RBFOX1: variants seen among roughly 807,000 people sequenced by gnomAD.
The protein encoded by RBFOX1 is RNA binding protein fox-1 homolog 1.
RBFOX1 carries 8 observed loss-of-function variants against 57.7 expected under a neutral mutation model. The observed-to-expected ratio is 0.14, with a 90% CI of 0.08 to 0.25. RBFOX1 has a LOEUF of 0.25. RBFOX1 is among the 10% of genes least tolerant of loss of function. RBFOX1 has a pLI of 1.00. For synonymous variants in RBFOX1, 326 were observed against 222.4 expected (o/e 1.47, Z -4.15); for missense variants, 611 against 548.5 (o/e 1.11, Z -1.14).
intron 3 of RBFOX1, among the ~76,000 whole-genome samples, chr16:6,679,940 G>A (rs1216906884): frequency 7.5e-6 from 1 of 132,950 alleles, no homozygotes; most frequent in Non-Finnish European, 1.5e-5. Context: ...TGGTCTCATG[G>A]AGTTCTTTAA....
At chr16:6,752,613 G>T (rs1198390404) in intron 3 of RBFOX1, among the ~76,000 whole-genome samples, 1 of 152,098 alleles carries the variant, frequency 6.6e-6, no homozygotes, top group Non-Finnish European at 1.5e-5. Flanking sequence ...TTTTATTATG[G>T]CATCTTGCCA....
chr16:7,050,795 C>T (rs997533227), intron 3 of RBFOX1, among the ~76,000 whole-genome samples: 3 of 151,720 alleles, frequency 2.0e-5, no homozygotes, highest in African/African-American at 7.3e-5. Context: ...TTTATAATTT[C>T]TTTTTTCATA....
chr16:6,644,097 A>C (rs996010973), intron 2 of RBFOX1, among the ~76,000 whole-genome samples: 1 of 152,118 alleles, frequency 6.6e-6, no homozygotes, highest in African/African-American at 2.4e-5. Context: ...CTGCACTCCA[A>C]CCTGGGCAAC....
At chr16:5,824,890 G>A (rs1214605988) in intron 3 of RBFOX1, among the ~76,000 whole-genome samples, 1 of 152,142 alleles carries the variant, frequency 6.6e-6, no homozygotes, top group Non-Finnish European at 1.5e-5. Context: ...CTTTCCTGGG[G>A]GACTCCAGTG....
chr16:5,631,653 G>A (rs1470071969), intron 3 of RBFOX1, among the ~76,000 whole-genome samples: 15 of 151,784 alleles, frequency 9.9e-5, no homozygotes, highest in Admixed American at 8.5e-4. Flanking sequence ...CTGCATTCAT[G>A]TTTCCCACCT....
intron 4 of RBFOX1, among the ~76,000 whole-genome samples, chr16:7,506,695 C>T (rs556709650): frequency 1.3e-5 from 2 of 152,152 alleles, no homozygotes; most frequent in South Asian, 4.2e-4. Context: ...TGTTAAAATT[C>T]GGGTTCTTTC....
intron 4 of RBFOX1, among the ~76,000 whole-genome samples, chr16:7,230,951 A>C (rs2093462612): frequency 6.6e-6 from 1 of 152,166 alleles, no homozygotes; most frequent in South Asian, 2.1e-4. Context: ...TTAGGTAACC[A>C]GTCACTGGTT....
intron 1 of RBFOX1, among the ~76,000 whole-genome samples, chr16:5,414,050 C>G (rs759239466): frequency 6.6e-6 from 1 of 152,128 alleles, no homozygotes; most frequent in Non-Finnish European, 1.5e-5. Flanking sequence ...AAGGACATCC[C>G]CAGAATGGTG....
intron 3 of RBFOX1, among the ~76,000 whole-genome samples, chr16:6,820,641 A>C (rs1415715591): frequency 6.6e-6 from 1 of 151,354 alleles, no homozygotes; most frequent in African/African-American, 2.4e-5. Flanking sequence ...CCTGAGTGAC[A>C]GAGCAAGACC....
At chr16:6,671,021 C>T (rs1231635580) in intron 3 of RBFOX1, among the ~76,000 whole-genome samples, 1 of 152,072 alleles carries the variant, frequency 6.6e-6, no homozygotes, top group Non-Finnish European at 1.5e-5. Flanking sequence ...AAACTGGTTT[C>T]CTTATTTACT....
At chr16:7,257,479 C>G (rs931724312) in intron 4 of RBFOX1, among the ~76,000 whole-genome samples, 2 of 152,162 alleles carry the variant, frequency 1.3e-5, no homozygotes, top group African/African-American at 4.8e-5. Context: ...GTATGGCTGT[C>G]AGCCATACCC....
At chr16:6,999,225 A>ATTTATTTTTTT (rs2092571582) in intron 3 of RBFOX1, among the ~76,000 whole-genome samples, 2 of 122,956 alleles carry the variant, frequency 1.6e-5, no homozygotes, top group Non-Finnish European at 3.4e-5. Context: ...TATTTTTTTT[A>ATTTATTTTTTT]TTTATTTTTT....
intron 1 of RBFOX1, among the ~76,000 whole-genome samples, chr16:5,249,213 G>A (rs1322600294): frequency 1.3e-5 from 2 of 152,124 alleles, no homozygotes; most frequent in Non-Finnish European, 2.9e-5. Flanking sequence ...AAACAGGTAC[G>A]CAGGGGCTCT....
chr16:6,848,427 C>T (rs545530078), intron 3 of RBFOX1, among the ~76,000 whole-genome samples: 1 of 152,196 alleles, frequency 6.6e-6, no homozygotes, highest in East Asian at 1.9e-4. Flanking sequence ...CAAACAAACA[C>T]TTCTGTTGAC....
Position 6,366,092 on chromosome 16 carries a change from T to C in RBFOX1, c.-64+49035T>C, listed in dbSNP as rs866118485. Among the ~76,000 whole-genome samples the C allele has an allele frequency of 2.8e-3, 406 of 144,284 alleles. 2 individuals are homozygous for C. Among genetic ancestry groups the C allele is most frequent in the East Asian group, 8.6e-3 (44 of 5,116 alleles). The allele number at this position is 144,284 out of a possible 152,430, so 94.7% of individuals were successfully genotyped here. On this transcript the variant is annotated intron_variant, in intron 2 of 15. Transcript: ENST00000550418. ...GAGAATGGTGGCCATTCTATGTGTGTGTGTGTGTGTGTGTGTGTGTGTGTG... is the reference window on the plus strand; with the variant it reads ...GAGAATGGTGGCCATTCTATGTGTGCGTGTGTGTGTGTGTGTGTGTGTGTG...
intron 1 of RBFOX1, among the ~76,000 whole-genome samples, chr16:6,242,900 A>G (rs190676750): frequency 5.9e-5 from 9 of 152,222 alleles, no homozygotes; most frequent in African/African-American, 1.9e-4. Context: ...CAGAGTCGTG[A>G]TATATGTGTA....
chr16:5,757,331 A>C (rs2053435066), intron 3 of RBFOX1, among the ~76,000 whole-genome samples: 1 of 150,410 alleles, frequency 6.6e-6, no homozygotes, highest in Admixed American at 6.7e-5. Context: ...TCCTGGGTTC[A>C]AGTGATTCTC....
chr16:5,922,846 T>C (rs1211929961), intron 4 of RBFOX1, among the ~76,000 whole-genome samples: 1 of 152,232 alleles, frequency 6.6e-6, no homozygotes, highest in East Asian at 1.9e-4. Flanking sequence ...GTGTAAAATA[T>C]TCAAGCCTTT....
At chr16:7,342,231 C>T (rs1232774928) in intron 4 of RBFOX1, among the ~76,000 whole-genome samples, 1 of 152,128 alleles carries the variant, frequency 6.6e-6, no homozygotes, top group East Asian at 1.9e-4. Flanking sequence ...GGGAGTAATA[C>T]CAAGTGTACT....
Sources: allele counts gnomAD v4.1 joint callset (sites outside exome capture counted in the v4.1 genomes callset), GRCh38; gene constraint gnomAD v4.1.1; transcripts MANE v1.5; gene names NCBI Gene and HGNC (gene_info 2026-07-23, HGNC 2026-07-21).